Variants in ARSG observed in about 807,000 individuals in gnomAD.
ARSG encodes arylsulfatase G, also known as ASG.
ARSG carries 37 observed loss-of-function variants against 50.5 expected under a neutral mutation model. The observed-to-expected ratio is 0.73, with a 90% CI of 0.56 to 0.96. ARSG has a LOEUF of 0.96. ARSG is among the 50% of genes least tolerant of loss of function. ARSG has a pLI of 0.00. For synonymous variants in ARSG, 225 were observed against 254.6 expected, an observed-to-expected ratio of 0.88 and a Z score of 1.11; for missense variants, 629 against 675.3, an observed-to-expected ratio of 0.93 and a Z score of 0.76.
At chr17:68,273,504 A>G (rs2075411121) in intron 1 of ARSG, among the ~76,000 whole-genome samples, 1 of 152,136 alleles carries the variant, frequency 6.6e-6, no homozygotes. Context: ...TACAGGCATG[A>G]GCCACCATGC....
chr17:68,426,093 A>G (rs1453742017), downstream of ARSG: 2 of 1,612,496 alleles, frequency 1.2e-6, no homozygotes, highest in Non-Finnish European at 1.7e-6. Flanking sequence ...ACTCATTCTC[A>G]TCATCAAGAC....
At chr17:68,352,629 C>A (rs2078853026) in intron 5 of ARSG, among the ~76,000 whole-genome samples, 1 of 151,890 alleles carries the variant, frequency 6.6e-6, no homozygotes, top group Non-Finnish European at 1.5e-5. Context: ...CTTGCCTCAG[C>A]CTCTTGAGTA....
chr17:68,427,466 C>T (rs555185209), downstream of ARSG: 53 of 357,418 alleles, frequency 1.5e-4, no homozygotes, highest in Middle Eastern at 8.3e-4. Context: ...AAGCGATTCT[C>T]CTGCCTCAGC....
intron 6 of ARSG, chr17:68,359,385 T>TACCTGCACACATGC (rs1401047598): frequency 3.3e-5 from 5 of 152,248 alleles, no homozygotes; most frequent in Admixed American, 6.5e-5. Flanking sequence ...CACACACGTG[T>TACCTGCACACATGC]ACCTGCACAC....
rs572643587 is a variant in ARSG, at chr17:68,297,241, T to C, written c.-552+5673T>C. Among the ~76,000 whole-genome samples, 5 of 152,368 alleles carry C rather than the reference T, an allele frequency of 3.3e-5. No individual in the cohort carries two copies. The South Asian group carries it at 6.2e-4, about 19-fold the overall frequency. On this transcript the variant is annotated intron_variant, in intron 1 of 11. Coordinates refer to ENST00000621439, the MANE Select transcript of ARSG (RefSeq NM_001267727.2). Reference sequence around the variant, plus strand: ...GGGGAGATTCCCCTCACACGCATCCTACATCTTGACCTCATATTGTTAAAT... The same window carrying C: ...GGGGAGATTCCCCTCACACGCATCCCACATCTTGACCTCATATTGTTAAAT...
intron 1 of ARSG, chr17:68,267,869 T>C (rs1246806134): frequency 4.6e-5 from 7 of 152,256 alleles, no homozygotes; most frequent in Admixed American, 1.3e-4. Context: ...TGTAACTCGC[T>C]ATAACATAAT....
intron 2 of ARSG, among the ~76,000 whole-genome samples, chr17:68,308,508 T>A (rs2076698198): frequency 6.6e-6 from 1 of 152,170 alleles, no homozygotes. Flanking sequence ...GCTGCAGACC[T>A]TCATGGTGAG....
rs2075321938 is a variant in ARSG, at chr17:68,271,020, A to C, written c.-552+11594A>C. On this transcript the variant is annotated intron_variant, in intron 1 of 11. Transcript: ENST00000448504. The surrounding 1 kb of genome is among the most constrained non-coding windows in gnomAD (Gnocchi z 5.3). ...TGCATGACATTAGACCCCAGAATTC[A>C]GTAGCAAAAGTAAAGGCAAACAGAG... 1.9e-6 allele frequency: 3 copies of C among 1,614,100 alleles called. No individual in the cohort carries two copies. The African/African-American group carries it at 4.0e-5, about 22-fold the overall frequency.
chr17:68,376,282 T>G (rs1217120474), intron 8 of ARSG, among the ~76,000 whole-genome samples: 3 of 144,712 alleles, frequency 2.1e-5, no homozygotes, highest in East Asian at 2.2e-4. Context: ...CCTGCATTTT[T>G]TTTTTTTTTT....
chr17:68,303,069 T>A (rs2076478827), intron 1 of ARSG, among the ~76,000 whole-genome samples: 1 of 152,228 alleles, frequency 6.6e-6, no homozygotes, highest in African/African-American at 2.4e-5. Flanking sequence ...TTTTCTTTTC[T>A]TCCTTTGTTC....
At chr17:68,391,900 A>G (rs1333808450) in intron 9 of ARSG, among the ~76,000 whole-genome samples, 1 of 152,208 alleles carries the variant, frequency 6.6e-6, no homozygotes, top group Non-Finnish European at 1.5e-5. Context: ...AACATTCTGC[A>G]CTGTAGTCAA....
At position 68,385,086 on chromosome 17, in the gene ARSG, G is replaced by A. The variant is rs202039870; in HGVS notation, c.1005G>A (p.Thr335=). 52 of 1,614,026 alleles carry A rather than the reference G, an allele frequency of 3.2e-5. No individual in the cohort carries two copies. Among genetic ancestry groups the A allele is most frequent in the African/African-American group, 4.0e-5 (3 of 75,024 alleles). The part of the protein sequence containing the change: ...TRQGGSPAKQ[T]TWEGGHRVPA... ...CAGGGGGAAGTCCAGCCAAGCAGAC[G>A]ACCTGGGAAGGAGGGCACCGGGTCC... Residue 335 remains threonine (T), a synonymous_variant, in exon 9 of 12, where the codon ACG becomes ACA. Transcript: ENST00000621439.
rs2076662868 is a variant in ARSG at position 68,307,717 on chromosome 17, T to C, written c.218+6T>C. 2 of 1,449,980 alleles carry C rather than the reference T, an allele frequency of 1.4e-6. No individual in the cohort carries two copies. The highest frequency in any genetic ancestry group is 1.9e-6 in the Non-Finnish European group (2 of 1,031,942). The allele number at this position is 1,449,980 out of a possible 1,614,324, so 89.8% of individuals were successfully genotyped here. On this transcript the variant is annotated splice_donor_region_variant and intron_variant, in intron 2 of 11. Coordinates refer to ENST00000621439, the MANE Select transcript of ARSG (RefSeq NM_001267727.2). ...ATGGCTTCGGAGGGAATGAGGTGAG[T>C]CTTGAGATGCCAGGCCAGCCTTTCT...
chr17:68,322,518 G>T (rs186312598), intron 2 of ARSG, among the ~76,000 whole-genome samples: 3 of 152,306 alleles, frequency 2.0e-5, no homozygotes, highest in Admixed American at 6.5e-5. Flanking sequence ...TCAGGAGGCT[G>T]AGGCAGGAGA....
intron 6 of ARSG, among the ~76,000 whole-genome samples, chr17:68,362,253 G>A (rs916702450): frequency 4.0e-5 from 6 of 151,040 alleles, no homozygotes; most frequent in East Asian, 3.9e-4. Context: ...CCTCTCACCC[G>A]GCTCCCACCC....
At chr17:68,278,312 T>G in intron 1 of ARSG, 3 of 1,612,844 alleles carry the variant, frequency 1.9e-6, no homozygotes, top group African/African-American at 1.3e-5. Flanking sequence ...TTAATTTATT[T>G]TGGGTCATTC....
intron 1 of ARSG, among the ~76,000 whole-genome samples, chr17:68,264,416 T>C (rs559106786): frequency 6.6e-6 from 1 of 152,288 alleles, no homozygotes; most frequent in South Asian, 2.1e-4. Flanking sequence ...TACGGATACA[T>C]AGGTCTTAAA....
At chr17:68,299,982 A>G (rs1390552189) in intron 1 of ARSG, among the ~76,000 whole-genome samples, 1 of 144,592 alleles carries the variant, frequency 6.9e-6, no homozygotes, top group Non-Finnish European at 1.5e-5. Context: ...TCTGTTGCCC[A>G]GGCTGGAGTG....
At position 68,266,476 on chromosome 17, in the gene ARSG, C is replaced by CT. The variant is rs113055013; in HGVS notation, c.-552+7059dup. Among the ~76,000 whole-genome samples the CT allele has an allele frequency of 5.8e-5, 6 of 102,696 alleles. No homozygotes were observed. The East Asian group carries it at 1.1e-3, about 18-fold the overall frequency. The allele number at this position is 102,696 out of a possible 152,430, so 67.4% of individuals were successfully genotyped here. ...AAAAGTATATATATGTATATATATA[C>CT]TTTTTTTTTGTATAAAAAGTATACA... On this transcript the variant is annotated intron_variant, in intron 1 of 11. Transcript: ENST00000448504.
Sources: gnomAD v4.1 joint callset for allele counts (sites outside exome capture counted in the v4.1 genomes callset) on GRCh38, gnomAD v4.1.1 for gene constraint, Gnocchi (gnomAD v3.1) non-coding constraint, MANE v1.5 for transcripts, NCBI Gene and HGNC (gene_info 2026-07-23, HGNC 2026-07-21) for gene names.